Variants in LPIN2 observed in about 807,000 individuals in gnomAD.
LPIN2 encodes the protein phosphatidate phosphatase LPIN2.
A neutral mutation model predicts 111.4 loss-of-function variants in LPIN2; 55 were observed. The ratio of observed to expected loss-of-function variants is 0.49; its 90% confidence interval spans 0.40 to 0.62. The LOEUF is 0.62. Ranked by LOEUF, LPIN2 falls within the 20% of genes least tolerant of loss-of-function variation. The pLI is 0.00. For missense variants in LPIN2, 992 were observed against 1,112.1 expected, an observed-to-expected ratio of 0.89 and a Z score of 1.54; for synonymous variants, 425 against 414.0, an observed-to-expected ratio of 1.03 and a Z score of -0.32.
Position 2,951,376 on chromosome 18 carries a change from G to T in LPIN2, c.289-20C>A. The T allele has an allele frequency of 6.2e-7, 1 of 1,604,414 alleles. No individual in the cohort carries two copies. Among genetic ancestry groups the T allele is most frequent in the African/African-American group, 1.3e-5 (1 of 74,452 alleles). ...CTTTTCCTTGAGGAGAATGGAGAAA[G>T]AAAAGTTATCCATGACAAACTCGAC... On this transcript the variant is annotated intron_variant, in intron 3 of 19. Transcript: ENST00000677752.
chr18:2,958,661 G>C (rs2077660497), intron 2 of LPIN2, among the ~76,000 whole-genome samples: 1 of 152,018 alleles, frequency 6.6e-6, no homozygotes. Flanking sequence ...AAGGGAGTAG[G>C]AGGAAAAAAA....
At position 2,951,071 on chromosome 18, in the gene LPIN2, C is replaced by G. The variant is rs753267776; in HGVS notation, c.574G>C (p.Gly192Arg). The G allele has an allele frequency of 6.2e-7, 1 of 1,614,158 alleles. No homozygotes were observed. Among genetic ancestry groups the G allele is most frequent in the Non-Finnish European group, 8.5e-7 (1 of 1,180,050 alleles). The change falls in exon 4 of 20, where the codon GGG becomes CGG. Residue 192 changes from glycine to arginine, a missense_variant. By Grantham distance (125) the Gly-to-Arg change is moderately radical (BLOSUM62 -2). Transcript: ENST00000677752. ...DVGVSSDDDK[G>R]AQAARGSSNA... ...GAGTCCTACCGTGCTGCCTGGGCCC[C>G]CTTGTCATCATCGGAGCTCACGCCT...
chr18:2,926,657 C>T (rs1598525292), intron 13 of LPIN2, 66 bp downstream of exon 13: 1 of 1,413,352 alleles, frequency 7.1e-7, no homozygotes, highest in East Asian at 2.3e-5. Context: ...CCAAAATCAA[C>T]TTAGAAGTAA....
intron 1 of LPIN2, among the ~76,000 whole-genome samples, chr18:3,005,097 C>T (rs1459333267): frequency 6.6e-6 from 1 of 152,170 alleles, no homozygotes; most frequent in Non-Finnish European, 1.5e-5. Flanking sequence ...TACTTGTAAT[C>T]CCAGCACTTT....
chr18:2,921,551 G>A lies in LPIN2; in HGVS notation c.2424C>T (p.Ala808=). The A allele has an allele frequency of 1.2e-6, 2 of 1,613,542 alleles. No individual in the cohort carries two copies. The highest frequency in any genetic ancestry group is 1.7e-6 in the Non-Finnish European group (2 of 1,179,456). ...FAPSKQPFYA[A]FGNRPNDVYA... is the part of the protein sequence containing the mutation. ...TACTCACATTTGGACGGTTTCCAAA[G>A]GCAGCATAGAAGGGCTGCTTAGACG... Residue 808 remains alanine (A), a synonymous_variant, in exon 18 of 20, where the codon GCC becomes GCT. Transcript: ENST00000677752.
chr18:3,011,290 G>A (rs111640134), intron 1 of LPIN2, among the ~76,000 whole-genome samples: 2,677 of 152,226 alleles, frequency 0.018, 78 homozygotes, highest in African/African-American at 0.06. Context: ...AGCATAATGC[G>A]TGCCTATTGA....
intron 1 of LPIN2, among the ~76,000 whole-genome samples, chr18:3,001,847 T>TATTGAATG (rs2078440066): frequency 6.6e-6 from 1 of 152,174 alleles, no homozygotes; most frequent in African/African-American, 2.4e-5. Context: ...TGATATAGCC[T>TATTGAATG]AATGAATAAG....
chr18:2,939,528 T>G lies in LPIN2; in HGVS notation c.774A>C (p.Ser258=). The G allele has an allele frequency of 6.2e-7, 1 of 1,614,110 alleles. No homozygotes were observed. The highest frequency in any genetic ancestry group is 8.5e-7 in the Non-Finnish European group (1 of 1,179,956). ...EVKPAESLLR[S]ESHMEWTWGG... The stretch of plus-strand genomic sequence containing the variant: ...CCCACGTCCACTCCATGTGAGACTC[T>G]GATCTGAGCAGGCTCTCCGCAGGTT... Residue 258 remains serine (S), a synonymous_variant, in exon 6 of 20, where the codon TCA becomes TCC. Transcript: ENST00000677752.
In LPIN2 at chr18:2,952,627, T is replaced by C. The variant is rs572146782; in HGVS notation, c.289-1271A>G. ...CCAGAAACACACACTTACAGAGAAA[T>C]TGTAATAAGATATTCTGAATGTCCA... On this transcript the variant is annotated intron_variant, in intron 3 of 19. Coordinates refer to ENST00000677752, the MANE Select transcript of LPIN2 (RefSeq NM_001375808.2). Among the ~76,000 whole-genome samples, 23 of 152,262 alleles carry C rather than the reference T, an allele frequency of 1.5e-4. 1 individual carries two copies. In the South Asian group the frequency reaches 3.9e-3, roughly 26 times the overall value.
chr18:2,939,336 T>C lies in LPIN2; in HGVS notation c.822+144A>G, dbSNP rs533539418. The C allele has an allele frequency of 1.1e-5, 11 of 956,962 alleles. No homozygotes were observed. The Admixed American group carries it at 2.1e-4, about 18-fold the overall frequency. 59.3% of individuals were successfully genotyped at this position (956,962 alleles called of 1,614,324 possible). On this transcript the variant is annotated intron_variant, in intron 6 of 19. Coordinates refer to ENST00000677752, the MANE Select transcript of LPIN2 (RefSeq NM_001375808.2). ...CAAATGTTACAAAAAATGTTAACTTTGAATTTACTTTTATGACATGAGGGC... is the reference window on the plus strand; with the variant it reads ...CAAATGTTACAAAAAATGTTAACTTCGAATTTACTTTTATGACATGAGGGC...
intron 1 of LPIN2, among the ~76,000 whole-genome samples, chr18:2,962,438 A>C (rs971880750): frequency 2.1e-4 from 32 of 152,204 alleles, no homozygotes; most frequent in Admixed American, 2.0e-3. Context: ...TAGCTAAACC[A>C]AATTAAGCAT....
At chr18:2,972,925 G>C (rs555202318) in intron 1 of LPIN2, among the ~76,000 whole-genome samples, 1 of 152,284 alleles carries the variant, frequency 6.6e-6, no homozygotes, top group South Asian at 2.1e-4. Context: ...TGTACATGAG[G>C]TGACAGATGC....
intron 4 of LPIN2, chr18:2,946,331 G>A: frequency 6.6e-7 from 1 of 1,512,536 alleles, no homozygotes; most frequent in Non-Finnish European, 9.2e-7. Context: ...TGGCTCAGGT[G>A]GCTTCTCACT....
intron 1 of LPIN2, among the ~76,000 whole-genome samples, chr18:3,009,730 C>T (rs1223445366): frequency 6.6e-6 from 1 of 152,158 alleles, no homozygotes; most frequent in Non-Finnish European, 1.5e-5. Context: ...CGTGAACCAC[C>T]GCACCCAGCC....
rs766683093 is a variant in LPIN2, at chr18:2,922,209, AAC to A, written c.2175-12_2175-11del. ...AAACTTGTAGCCATTCCTGAAAGAA[AAC>A]ACACCCTGTTAGCCCACATGTTCTG... On this transcript the variant is annotated splice_polypyrimidine_tract_variant and intron_variant, in intron 16 of 19. Coordinates refer to ENST00000677752, the MANE Select transcript of LPIN2 (RefSeq NM_001375808.2). 1 of 1,614,034 alleles carries A rather than the reference AAC, an allele frequency of 6.2e-7. No homozygotes were observed. Among genetic ancestry groups the A allele is most frequent in the East Asian group, 2.2e-5 (1 of 44,888 alleles).
Position 2,947,047 on chromosome 18 carries a change from G to A in LPIN2, c.590+4008C>T, listed in dbSNP as rs112705233. ...GAGGGTTCTCTAGAAGCCAATTACCGATCAGGAGATGAAGTATGCAGATCA... is the reference window on the plus strand; with the variant it reads ...GAGGGTTCTCTAGAAGCCAATTACCAATCAGGAGATGAAGTATGCAGATCA... On this transcript the variant is annotated intron_variant, in intron 4 of 19. Coordinates refer to ENST00000677752, the MANE Select transcript of LPIN2 (RefSeq NM_001375808.2). Among the ~76,000 whole-genome samples, 744 of 152,276 alleles carry A rather than the reference G, an allele frequency of 4.9e-3. 8 individuals are homozygous for A. The highest frequency in any genetic ancestry group is 0.017 in the African/African-American group (699 of 41,546).
chr18:3,008,057 G>A (rs1489146862), intron 1 of LPIN2, among the ~76,000 whole-genome samples: 1 of 152,162 alleles, frequency 6.6e-6, no homozygotes, highest in Non-Finnish European at 1.5e-5. Context: ...ACGTCTTCTA[G>A]GCAAACTGCA....
At chr18:2,997,138 C>T (rs1487215079) in intron 1 of LPIN2, among the ~76,000 whole-genome samples, 6 of 152,080 alleles carry the variant, frequency 3.9e-5, no homozygotes, top group African/African-American at 7.2e-5. Context: ...CCCACCCCCA[C>T]GCCTGGCTAA....
rs749200665 is a variant in LPIN2, at chr18:2,927,711, A to C, written c.1710+11T>G. 6.2e-7 allele frequency: 1 copy of C among 1,612,832 alleles called. No homozygotes were observed. The highest frequency in any genetic ancestry group is 1.3e-5 in the African/African-American group (1 of 75,028). On this transcript the variant is annotated intron_variant, in intron 12 of 19. Coordinates refer to ENST00000677752, the MANE Select transcript of LPIN2 (RefSeq NM_001375808.2). ...TCAGCCCACGGAAACAATGACCTCT[A>C]GGTCTGTTACCTGTTTGGTCATGCT...
Sources: gnomAD v4.1 joint callset for allele counts (sites outside exome capture counted in the v4.1 genomes callset) on GRCh38, gnomAD v4.1.1 for gene constraint, MANE v1.5 for transcripts, NCBI Gene and HGNC (gene_info 2026-07-23, HGNC 2026-07-21) for gene names.